Variants in ADGRB3 observed in about 807,000 individuals in gnomAD.
ADGRB3 encodes brain-specific angiogenesis inhibitor 3.
In ADGRB3, 37 loss-of-function variants were observed where a neutral mutation model predicts 193.4. That is an observed-to-expected ratio of 0.19 (90% CI 0.15 to 0.25). ADGRB3 has a LOEUF of 0.25. Ranked by LOEUF, ADGRB3 falls within the 10% of genes least tolerant of loss-of-function variation. The probability of loss-of-function intolerance (pLI) is 1.00; values close to 1 mark genes in which losing one functional copy is unlikely to be tolerated. For missense variants in ADGRB3, 1,637 were observed against 1,852.9 expected (o/e 0.88, Z 2.14); for synonymous variants, 690 against 644.2 (o/e 1.07, Z -1.08).
intron 3 of ADGRB3, among the ~76,000 whole-genome samples, chr6:68,920,617 G>C (rs147216618): frequency 6.0e-5 from 9 of 150,544 alleles, no homozygotes; most frequent in Middle Eastern, 3.5e-3. Flanking sequence ...CGAGTGAGTA[G>C]AGAAGTATCT....
intron 16 of ADGRB3, among the ~76,000 whole-genome samples, chr6:69,067,133 CCAGCCTGCAGTCTCATCT>C (rs1228603171): frequency 6.6e-6 from 1 of 152,094 alleles, no homozygotes; most frequent in African/African-American, 2.4e-5. Context: ...GTGGACCATA[CCAGCCTGCAGTCTCATCT>C]TGGCTTTTAA....
chr6:68,653,417 G>C (rs1768417667), intron 3 of ADGRB3, among the ~76,000 whole-genome samples: 1 of 152,054 alleles, frequency 6.6e-6, no homozygotes, highest in Non-Finnish European at 1.5e-5. Context: ...GATGTGTTCT[G>C]TAATCCAGAT....
rs537007936 is a variant in ADGRB3, at chr6:69,116,352, C to T, written c.2480+40314C>T. On this transcript the variant is annotated intron_variant, in intron 17 of 31. Coordinates refer to ENST00000370598, the MANE Select transcript of ADGRB3 (RefSeq NM_001704.3). Reference sequence around the variant, plus strand: ...CCTCTCAGCATGTTTCTAAACACTGCGCCCACACACACCTGTTTTCACCCC... The same window carrying T: ...CCTCTCAGCATGTTTCTAAACACTGTGCCCACACACACCTGTTTTCACCCC... 5.3e-5 allele frequency among the ~76,000 whole-genome samples: 8 copies of T among 152,280 alleles called. No homozygotes were observed. The East Asian group carries it at 7.7e-4, about 15-fold the overall frequency.
At chr6:69,064,213 T>C (rs573240624) in intron 16 of ADGRB3, among the ~76,000 whole-genome samples, 1 of 152,198 alleles carries the variant, frequency 6.6e-6, no homozygotes, top group South Asian at 2.1e-4. Flanking sequence ...TCCTGGATTA[T>C]TTAATAAAAA....
At chr6:68,998,035 T>C (rs572468316) in intron 11 of ADGRB3, among the ~76,000 whole-genome samples, 1 of 152,332 alleles carries the variant, frequency 6.6e-6, no homozygotes, top group Admixed American at 6.5e-5. Flanking sequence ...TTATTATTGT[T>C]GTCATCTCCT....
chr6:68,930,613 A>G lies in ADGRB3; in HGVS notation c.812A>G (p.His271Arg). ...AAAAGTCAGCGACCTCGATCTGTTC[A>G]TGAAAAAAGGGTCCCTCAGGAACAA... ...TIKSQRPRSV[H>R]EKRVPQEQAD... Residue 271 changes from histidine (H) to arginine (R), a missense_variant, in exon 4 of 32, where the codon CAT (histidine) becomes CGT (arginine). By Grantham distance (29) the His-to-Arg change is conservative (BLOSUM62 0). Coordinates refer to ENST00000370598, the MANE Select transcript of ADGRB3 (RefSeq NM_001704.3). 1 of 1,612,936 alleles carries G rather than the reference A, an allele frequency of 6.2e-7. No homozygotes were observed. Among genetic ancestry groups the G allele is most frequent in the Non-Finnish European group, 8.5e-7 (1 of 1,179,404 alleles).
chr6:68,910,184 T>G (rs1766660938), intron 3 of ADGRB3, among the ~76,000 whole-genome samples: 1 of 152,212 alleles, frequency 6.6e-6, no homozygotes, highest in Admixed American at 6.5e-5. Context: ...TCATGTGTCT[T>G]TTGGCTGCAT....
chr6:69,040,707 A>AAAAAT (rs1771038176), intron 13 of ADGRB3, among the ~76,000 whole-genome samples: 1 of 60,392 alleles, frequency 1.7e-5, no homozygotes, highest in African/African-American at 6.8e-5. Flanking sequence ...AAAAAAAAAA[A>AAAAAT]AACAAACAAG....
intron 20 of ADGRB3, among the ~76,000 whole-genome samples, chr6:69,284,072 C>G (rs979023054): frequency 6.6e-6 from 1 of 152,116 alleles, no homozygotes; most frequent in Non-Finnish European, 1.5e-5. Context: ...TGCTACTGTT[C>G]TATAAGGTGA....
At chr6:68,846,804 C>T (rs1246078061) in intron 3 of ADGRB3, among the ~76,000 whole-genome samples, 1 of 152,006 alleles carries the variant, frequency 6.6e-6, no homozygotes, top group Non-Finnish European at 1.5e-5. Flanking sequence ...AGGGTCAGAG[C>T]CCTCACACAG....
chr6:69,333,298 C>T (rs1015807048), intron 24 of ADGRB3, among the ~76,000 whole-genome samples: 1 of 152,048 alleles, frequency 6.6e-6, no homozygotes, highest in Non-Finnish European at 1.5e-5. Context: ...CAATAGTTGT[C>T]GTTAGGTAAG....
intron 17 of ADGRB3, among the ~76,000 whole-genome samples, chr6:69,204,382 T>C (rs960323361): frequency 2.0e-5 from 3 of 152,162 alleles, no homozygotes; most frequent in Non-Finnish European, 4.4e-5. Flanking sequence ...CCATACAACA[T>C]TGAACCATAT....
At chr6:68,986,127 G>A (rs1393697273) in intron 10 of ADGRB3, among the ~76,000 whole-genome samples, 1 of 152,058 alleles carries the variant, frequency 6.6e-6, no homozygotes. Flanking sequence ...AATTTACTAT[G>A]CTCTCATTCT....
intron 17 of ADGRB3, among the ~76,000 whole-genome samples, chr6:69,222,582 T>C (rs1024595901): frequency 2.0e-5 from 3 of 152,108 alleles, no homozygotes; most frequent in Admixed American, 6.6e-5. Context: ...ATATAGATCA[T>C]GTAAAAAGGT....
intron 20 of ADGRB3, among the ~76,000 whole-genome samples, chr6:69,324,536 TAAA>T (rs1374455761): frequency 2.0e-5 from 3 of 152,132 alleles, no homozygotes; most frequent in African/African-American, 7.2e-5. Context: ...TGTAACAAAT[TAAA>T]TCAAAGAAAA....
chr6:68,978,440 C>T (rs957730799), intron 10 of ADGRB3, among the ~76,000 whole-genome samples: 1 of 151,436 alleles, frequency 6.6e-6, no homozygotes, highest in African/African-American at 2.4e-5. Context: ...AATATACACA[C>T]ACATTTGTAC....
chr6:69,361,035 A>G lies in ADGRB3; in HGVS notation c.3762A>G (p.Thr1254=). The change falls in exon 29 of 32, where the codon ACA becomes ACG. Residue 1254 remains threonine, a synonymous_variant. Coordinates refer to ENST00000370598, the MANE Select transcript of ADGRB3 (RefSeq NM_001704.3). ...CCAAAGTCATCATCCAGCAACCCAC[A>G]GGTTTGCACATGCCCATGAGTATGA... The part of the protein sequence containing the change: ...VISKVIIQQP[T]GLHMPMSMNE... The G allele has an allele frequency of 6.2e-7, 1 of 1,612,798 alleles. No homozygotes were observed. The highest frequency in any genetic ancestry group is 8.5e-7 in the Non-Finnish European group (1 of 1,179,208).
At chr6:69,111,628 A>G (rs1773368424) in intron 17 of ADGRB3, among the ~76,000 whole-genome samples, 1 of 152,228 alleles carries the variant, frequency 6.6e-6, no homozygotes, top group Admixed American at 6.5e-5. Context: ...TGAGTAAGCT[A>G]ACATGTTTGT....
intron 3 of ADGRB3, among the ~76,000 whole-genome samples, chr6:68,847,300 T>G (rs478319): frequency 0.77 from 116,697 of 152,054 alleles, 45,061 homozygotes; most frequent in Middle Eastern, 0.91. Context: ...ATGCTGAAAT[T>G]AGTTAAGACT....
Sources: allele counts gnomAD v4.1 joint callset (sites outside exome capture counted in the v4.1 genomes callset), GRCh38; gene constraint gnomAD v4.1.1; transcripts MANE v1.5; gene names NCBI Gene and HGNC (gene_info 2026-07-23, HGNC 2026-07-21).